Variants in BRWD3 observed in about 807,000 individuals in gnomAD.
The protein encoded by BRWD3 is bromodomain and WD repeat domain containing 3, also known as bromodomain and WD repeat-containing protein 3.
A neutral mutation model predicts 149.7 loss-of-function variants in BRWD3; 10 were observed. The ratio of observed to expected loss-of-function variants is 0.07; its 90% CI spans 0.04 to 0.11. The LOEUF (loss-of-function observed/expected upper bound fraction) is 0.11. BRWD3 is among the 10% of genes least tolerant of loss of function. The pLI, the probability that BRWD3 is intolerant of heterozygous loss-of-function variation, is 1.00. For missense variants in BRWD3, 940 were observed against 1,373.2 expected, an observed-to-expected ratio of 0.68 and a Z score of 4.99; for synonymous variants, 504 against 456.7, an observed-to-expected ratio of 1.10 and a Z score of -1.32.
In BRWD3 at chrX:80,719,476, T is replaced by C. The variant is rs372899207; in HGVS notation, c.2044+13A>G. 316 of 1,193,379 alleles carry C rather than the reference T, an allele frequency of 2.6e-4. No homozygotes were observed. The African/African-American group carries it at 5.0e-3, about 19-fold the overall frequency. On this transcript the variant is annotated intron_variant, in intron 18 of 40. Transcript: ENST00000373275. ...ACATAAACTACACCCTTTACAAGTA[T>C]AAAAATACTTACCACCATTAACAGA...
intron 6 of BRWD3, among the ~76,000 whole-genome samples, chrX:80,758,489 G>A (rs777089883): frequency 7.2e-5 from 8 of 111,402 alleles, no homozygotes; most frequent in African/African-American, 2.3e-4. Context: ...TGGCCATTCC[G>A]ACCTCTGCCT....
intron 20 of BRWD3, among the ~76,000 whole-genome samples, chrX:80,712,904 T>C (rs1472238009): frequency 1.1e-5 from 1 of 90,868 alleles, no homozygotes; most frequent in African/African-American, 3.8e-5. Flanking sequence ...GAGGAGCCCC[T>C]CCGCCCGGCA....
At chrX:80,697,444 T>C (rs1188623888) in intron 25 of BRWD3, among the ~76,000 whole-genome samples, 6 of 111,159 alleles carry the variant, frequency 5.4e-5, no homozygotes, top group African/African-American at 6.5e-5. Flanking sequence ...CTGTAACAAA[T>C]AGCTAAGTTT....
chrX:80,736,119 A>G lies in BRWD3; in HGVS notation c.814-31T>C, dbSNP rs73504608. The G allele has an allele frequency of 1.3e-4, 131 of 972,549 alleles. No individual in the cohort carries two copies. In the African/African-American group the frequency reaches 1.8e-3, roughly 14 times the overall value. The allele number at this position is 972,549 out of a possible 1,213,427, so 80.1% of individuals were successfully genotyped here. ...AAAAAAAAAAATCTGATTCAAATAA[A>G]AAGTTTTCATGTTCAGCCTAACATC... is the stretch of plus-strand genomic sequence containing the variant. On this transcript the variant is annotated intron_variant, in intron 8 of 40. Coordinates refer to ENST00000373275, the MANE Select transcript of BRWD3 (RefSeq NM_153252.5).
chrX:80,781,242 C>CGTTGCTGGCTCGAATGCCTG (rs1367913287), intron 6 of BRWD3, among the ~76,000 whole-genome samples: 1 of 111,393 alleles, frequency 9.0e-6, no homozygotes, highest in African/African-American at 3.3e-5. Flanking sequence ...AGGGGGTTGC[C>CGTTGCTGGCTCGAATGCCTG]GTTGCTGGCT....
chrX:80,723,028 T>C (rs1382752650), intron 16 of BRWD3, among the ~76,000 whole-genome samples: 1 of 111,757 alleles, frequency 8.9e-6, no homozygotes, highest in Non-Finnish European at 1.9e-5. Flanking sequence ...TTTCTTCTAT[T>C]ATGATAAGAA....
intron 38 of BRWD3, 46 bp downstream of exon 38, chrX:80,682,419 A>G: frequency 2.5e-6 from 3 of 1,179,527 alleles, no homozygotes; most frequent in Non-Finnish European, 2.3e-6. Context: ...GGTAATACAT[A>G]CAAAATGCTT....
Position 80,676,577 on chromosome X carries a change from A to T in BRWD3, c.*32T>A. On this transcript the variant is annotated 3_prime_UTR_variant, in exon 41 of 41. Coordinates refer to ENST00000373275, the MANE Select transcript of BRWD3 (RefSeq NM_153252.5). ...AATTCCCTGCAGTAGAAGGCCATTG[A>T]ATTTTTTAAGTTATTCTAAATTTAT... The T allele has an allele frequency of 8.3e-7, 1 of 1,205,413 alleles. No homozygotes were observed.
chrX:80,758,403 C>T (rs2073767902), intron 6 of BRWD3, among the ~76,000 whole-genome samples: 1 of 111,113 alleles, frequency 9.0e-6, no homozygotes, highest in Admixed American at 9.6e-5. Flanking sequence ...TGATACTCTG[C>T]CAAGTTTGGG....
At chrX:80,682,771 G>C in intron 37 of BRWD3, 143 bp from the exon 38 acceptor site, 1 of 556,247 alleles carries the variant, frequency 1.8e-6, no homozygotes, top group Non-Finnish European at 2.7e-6. Flanking sequence ...ACTAAAGTAA[G>C]ATACCATTTT....
At chrX:80,793,287 T>C (rs1175886979) in intron 5 of BRWD3, among the ~76,000 whole-genome samples, 1 of 109,437 alleles carries the variant, frequency 9.1e-6, no homozygotes, top group Non-Finnish European at 1.9e-5. Flanking sequence ...ATCATTAGGA[T>C]GACATTATCA....
At chrX:80,802,744 A>G (rs1241730283) in intron 4 of BRWD3, among the ~76,000 whole-genome samples, 1 of 110,710 alleles carries the variant, frequency 9.0e-6, no homozygotes, top group African/African-American at 3.3e-5. Context: ...GGGTCACTCA[A>G]CAAGTAAAGG....
Position 80,676,889 on chromosome X carries a change from C to T in BRWD3, c.5129G>A (p.Gly1710Glu). The T allele has an allele frequency of 8.3e-7, 1 of 1,209,416 alleles. No homozygotes were observed. The highest frequency in any genetic ancestry group is 1.1e-6 in the Non-Finnish European group (1 of 893,993). ...TCTAGAAGCACCTCTTCCTCCTCTC[C>T]CTCTTCCCCTCCCCCTAGTGCCACC... ...GGGGTRGRGR[G>E]RGGRGASRGA... The change falls in exon 41 of 41, where the codon GGG becomes GAG. Residue 1710 changes from glycine to glutamate, a missense_variant. Around this residue, in one of 6 missense-constraint regions of BRWD3, gnomAD observed 349 missense variants for 419.6 expected, o/e 0.83. Transcript: ENST00000373275.
chrX:80,806,363 G>A (rs1209485480), intron 4 of BRWD3, among the ~76,000 whole-genome samples: 4 of 110,912 alleles, frequency 3.6e-5, no homozygotes, highest in Non-Finnish European at 7.6e-5. Flanking sequence ...GAAAAAAAAA[G>A]AGCTACTTAA....
At position 80,671,610 on chromosome X, in the gene BRWD3, G is replaced by A; in HGVS notation, c.*4999C>T. 8.9e-6 allele frequency: 1 copy of A among 111,973 alleles called. No homozygotes were observed. 9.2% of individuals were successfully genotyped at this position (111,973 alleles called of 1,213,427 possible). ...TAAAGAATGGCAACAAATTAGTCCA[G>A]TTTTTTTGTCTTTGAAGATAATTGC... On this transcript the variant is annotated 3_prime_UTR_variant, in exon 41 of 41. Coordinates refer to ENST00000373275, the MANE Select transcript of BRWD3 (RefSeq NM_153252.5).
chrX:80,686,776 T>A (rs2072532338), intron 35 of BRWD3, 87 bp downstream of exon 35: 1 of 973,367 alleles, frequency 1.0e-6, no homozygotes, highest in Admixed American at 2.3e-5. Context: ...AAAGGAGAGG[T>A]GAGAAAATTG....
chrX:80,692,288 T>G, intron 28 of BRWD3, 138 bp from the exon 29 acceptor site: 1 of 521,974 alleles, frequency 1.9e-6, no homozygotes, highest in Non-Finnish European at 3.3e-6. Flanking sequence ...CAACTCCGGT[T>G]ACATACAGAT....
intron 5 of BRWD3, 131 bp downstream of exon 5, chrX:80,793,491 A>G (rs1042269912): frequency 1.3e-6 from 1 of 741,586 alleles, no homozygotes. Context: ...ACACTAAGAA[A>G]ACAAAAACAA....
chrX:80,748,325 T>A (rs904823488), intron 6 of BRWD3, among the ~76,000 whole-genome samples: 1 of 112,398 alleles, frequency 8.9e-6, no homozygotes, highest in Non-Finnish European at 1.9e-5. Flanking sequence ...TTGCATCTAT[T>A]CTCAAAAGGG....
Sources: allele counts gnomAD v4.1 joint callset (sites outside exome capture counted in the v4.1 genomes callset), GRCh38; gene constraint gnomAD v4.1.1; regional missense constraint gnomAD v4.1.1; transcripts MANE v1.5; gene names NCBI Gene and HGNC (gene_info 2026-07-23, HGNC 2026-07-21).